Variants in PPFIBP2 observed in about 807,000 individuals in gnomAD.
The protein encoded by PPFIBP2 is PPFIB scaffold protein 2.
A neutral mutation model predicts 118.3 loss-of-function variants in PPFIBP2; 118 were observed. That is an observed-to-expected ratio of 1.00 (90% CI 0.86 to 1.16). PPFIBP2 has a LOEUF of 1.16. Among genes scored for constraint, PPFIBP2 ranks in the 50% most tolerant of loss-of-function variants. The pLI is 0.00. For missense variants in PPFIBP2, 1,195 were observed against 1,073.1 expected, an observed-to-expected ratio of 1.11 and a Z score of -1.59; for synonymous variants, 414 against 397.4, an observed-to-expected ratio of 1.04 and a Z score of -0.50.
chr11:7,547,166 C>T (rs1472297612), intron 1 of PPFIBP2, among the ~76,000 whole-genome samples: 1 of 152,170 alleles, frequency 6.6e-6, no homozygotes, highest in Non-Finnish European at 1.5e-5. Flanking sequence ...TTACGTGGTG[C>T]CGGGGGGCGG....
At chr11:7,608,228 C>T (rs1397820655) in intron 5 of PPFIBP2, among the ~76,000 whole-genome samples, 1 of 152,204 alleles carries the variant, frequency 6.6e-6, no homozygotes, top group Non-Finnish European at 1.5e-5. Context: ...TGTTGATTGC[C>T]TATTTTAGCA....
chr11:7,540,127 C>G (rs1372193188), intron 1 of PPFIBP2, among the ~76,000 whole-genome samples: 4 of 152,170 alleles, frequency 2.6e-5, no homozygotes, highest in African/African-American at 9.7e-5. Context: ...CTCCAGGTCC[C>G]CAAGCACCCC....
At chr11:7,566,739 A>AT (rs11396062) in intron 3 of PPFIBP2, among the ~76,000 whole-genome samples, 79,728 of 152,020 alleles carry the variant, frequency 0.52, 22,930 homozygotes, top group African/African-American at 0.78. Context: ...ATTTGTACAA[A>AT]TTGTGGGGTA....
chr11:7,661,898 G>A (rs1854897042), downstream of PPFIBP2, among the ~76,000 whole-genome samples: 1 of 125,786 alleles, frequency 8.0e-6, no homozygotes, highest in Non-Finnish European at 1.8e-5. Context: ...TTACCATTAT[G>A]TAATGGCCTT....
chr11:7,539,621 G>A (rs906078814), intron 1 of PPFIBP2, among the ~76,000 whole-genome samples: 3 of 152,204 alleles, frequency 2.0e-5, no homozygotes, highest in Non-Finnish European at 4.4e-5. Flanking sequence ...CCCTGCCTGT[G>A]AGGGCCTTAC....
chr11:7,606,146 G>C (rs185944549), intron 5 of PPFIBP2: 8 of 1,090,070 alleles, frequency 7.3e-6, no homozygotes, highest in African/African-American at 3.2e-5. Context: ...TGGTCGGGGG[G>C]CAAAATACTG....
chr11:7,517,414 G>A (rs1411047361), intron 1 of PPFIBP2, among the ~76,000 whole-genome samples: 1 of 152,162 alleles, frequency 6.6e-6, no homozygotes, highest in Non-Finnish European at 1.5e-5. Flanking sequence ...GTAAGGAAAG[G>A]TTGCATGTTT....
At chr11:7,517,884 G>A (rs1185064142) in intron 1 of PPFIBP2, among the ~76,000 whole-genome samples, 1 of 152,202 alleles carries the variant, frequency 6.6e-6, no homozygotes, top group Non-Finnish European at 1.5e-5. Flanking sequence ...AGGGATGGGG[G>A]GCGGTCCCTG....
intron 1 of PPFIBP2, among the ~76,000 whole-genome samples, chr11:7,547,745 C>T (rs2134508989): frequency 1.3e-5 from 2 of 152,226 alleles, no homozygotes; most frequent in South Asian, 4.1e-4. Context: ...CCTGTGAGCT[C>T]CCATTCTCAT....
At chr11:7,514,780 G>A (rs1156602651) in intron 1 of PPFIBP2, among the ~76,000 whole-genome samples, 1 of 152,204 alleles carries the variant, frequency 6.6e-6, no homozygotes, top group East Asian at 1.9e-4. Flanking sequence ...TGTAACAAGA[G>A]AACAGAACTT....
At chr11:7,581,032 C>T (rs1378854499) in intron 3 of PPFIBP2, among the ~76,000 whole-genome samples, 1 of 152,240 alleles carries the variant, frequency 6.6e-6, no homozygotes, top group Non-Finnish European at 1.5e-5. Context: ...CAACCTGGGC[C>T]ACCATAGGTG....
chr11:7,665,307 G>T, the PPFIBP2 span: 3 of 1,303,538 alleles, frequency 2.3e-6, no homozygotes, highest in Non-Finnish European at 3.1e-6. Flanking sequence ...AGTTTACCGT[G>T]GTGAAATTGA....
At chr11:7,641,669 T>C (rs1453089414) in intron 16 of PPFIBP2, 49 bp downstream of exon 16, 1 of 1,578,272 alleles carries the variant, frequency 6.3e-7, no homozygotes, top group Admixed American at 1.7e-5. Flanking sequence ...ATTTTTCTTT[T>C]TGATTGGGCA....
chr11:7,568,011 G>T (rs114471697), intron 3 of PPFIBP2, among the ~76,000 whole-genome samples: 2 of 152,180 alleles, frequency 1.3e-5, no homozygotes, highest in Admixed American at 1.3e-4. Flanking sequence ...TGAAGGATTA[G>T]GCAGCACTGC....
intron 7 of PPFIBP2, 26 bp from the exon 8 acceptor site, chr11:7,625,751 G>A: frequency 6.2e-7 from 1 of 1,600,122 alleles, no homozygotes. Flanking sequence ...TTCTGACCTG[G>A]TAGGGATCCT....
At chr11:7,542,228 A>G (rs539294637) in intron 1 of PPFIBP2, among the ~76,000 whole-genome samples, 8 of 152,336 alleles carry the variant, frequency 5.3e-5, no homozygotes, top group Admixed American at 5.2e-4. Context: ...GGGGAGAATA[A>G]TTCCTAACTG....
chr11:7,533,119 A>G (rs932338795), intron 1 of PPFIBP2, among the ~76,000 whole-genome samples: 1 of 152,106 alleles, frequency 6.6e-6, no homozygotes, highest in Non-Finnish European at 1.5e-5. Context: ...GGGAAGTGAC[A>G]TCCTTTTTTC....
intron 3 of PPFIBP2, chr11:7,577,336 T>TGTGTGC: frequency 4.2e-5 from 13 of 311,726 alleles, no homozygotes; most frequent in South Asian, 1.9e-4. Context: ...TGTGTGTGTG[T>TGTGTGC]GTGTGTGTGT....
chr11:7,618,885 GTTTTT>G (rs36101082), intron 6 of PPFIBP2, among the ~76,000 whole-genome samples: 1 of 124,552 alleles, frequency 8.0e-6, no homozygotes. Context: ...CCATCCAGAA[GTTTTT>G]TTTTTTTTTT....
Sources: gnomAD v4.1 joint callset for allele counts (sites outside exome capture counted in the v4.1 genomes callset) on GRCh38, gnomAD v4.1.1 for gene constraint, MANE v1.5 for transcripts, NCBI Gene and HGNC (gene_info 2026-07-23, HGNC 2026-07-21) for gene names.